Variants in BIRC6 observed in about 807,000 individuals in gnomAD.
BIRC6 encodes baculoviral IAP repeat containing 6, also known as dual E2 ubiquitin-conjugating enzyme/E3 ubiquitin-protein ligase BIRC6.
Under a neutral mutation model 503.3 loss-of-function variants are expected in BIRC6, and 98 were observed. The observed-to-expected ratio is 0.19, with a 90% CI of 0.17 to 0.23. The LOEUF is 0.23. Among genes scored for constraint, BIRC6 ranks in the 10% least tolerant of loss-of-function variants. The pLI, the probability that BIRC6 is intolerant of heterozygous loss-of-function variation, is 1.00. For synonymous variants in BIRC6, 2,240 were observed against 2,078.7 expected, an observed-to-expected ratio of 1.08 and a Z score of -2.11; for missense variants, 5,360 against 5,806.0, an observed-to-expected ratio of 0.92 and a Z score of 2.50.
chr2:32,481,808 A>G (rs1162075717), intron 38 of BIRC6, among the ~76,000 whole-genome samples: 3 of 152,106 alleles, frequency 2.0e-5, no homozygotes, highest in African/African-American at 7.2e-5. Context: ...GGAAGTTTTC[A>G]GTCTCATACT....
intron 45 of BIRC6, among the ~76,000 whole-genome samples, chr2:32,497,947 A>G (rs1050694096): frequency 1.3e-5 from 2 of 151,980 alleles, no homozygotes; most frequent in African/African-American, 2.4e-5. Context: ...TCATTTTGCT[A>G]TTTTTCTATT....
chr2:32,581,478 T>C (rs6736386), intron 66 of BIRC6, among the ~76,000 whole-genome samples: 6,571 of 152,264 alleles, frequency 0.043, 221 homozygotes, highest in African/African-American at 0.1. Flanking sequence ...CTTAAATTTT[T>C]CTTTGCCTTT....
At chr2:32,488,301 TA>T (rs753342591) in intron 41 of BIRC6, among the ~76,000 whole-genome samples, 401 of 141,678 alleles carry the variant, frequency 2.8e-3, no homozygotes, top group Middle Eastern at 7.2e-3. Context: ...TTGTCTCAAA[TA>T]AAAAAAAAAA....
At chr2:32,600,637 G>A (rs1004702161) in intron 70 of BIRC6, among the ~76,000 whole-genome samples, 2 of 152,286 alleles carry the variant, frequency 1.3e-5, no homozygotes, top group South Asian at 4.1e-4. Flanking sequence ...CTTGAATAGA[G>A]TGTAAGTGTA....
intron 66 of BIRC6, among the ~76,000 whole-genome samples, chr2:32,578,954 G>T (rs2060457579): frequency 1.9e-5 from 1 of 52,900 alleles, no homozygotes; most frequent in African/African-American, 9.1e-5. Context: ...AGAAATCGTA[G>T]TTTACTACTT....
intron 23 of BIRC6, among the ~76,000 whole-genome samples, chr2:32,456,298 T>C (rs1462026621): frequency 6.6e-6 from 1 of 152,224 alleles, no homozygotes; most frequent in Non-Finnish European, 1.5e-5. Flanking sequence ...TGCCTTCTTT[T>C]CAATCCTATG....
At chr2:32,478,891 G>C in intron 36 of BIRC6, 73 bp downstream of exon 36, 2 of 1,460,010 alleles carry the variant, frequency 1.4e-6, no homozygotes, top group Non-Finnish European at 1.9e-6. Context: ...TCTTCAAAGG[G>C]ATCTTTAACC....
At chr2:32,460,245 GATATATATATAT>G (rs1269564471) in intron 23 of BIRC6, among the ~76,000 whole-genome samples, 2 of 30,976 alleles carry the variant, frequency 6.5e-5, no homozygotes, top group East Asian at 1.1e-3. Flanking sequence ...TCTCGTATAT[GATATATATATAT>G]ATATATATAT....
intron 5 of BIRC6, among the ~76,000 whole-genome samples, chr2:32,394,567 C>G (rs1313073708): frequency 6.6e-6 from 1 of 152,068 alleles, no homozygotes; most frequent in African/African-American, 2.4e-5. Flanking sequence ...TGCAGTGGCT[C>G]ACACTTGTAA....
At chr2:32,538,380 T>G (rs1288784800) in intron 61 of BIRC6, among the ~76,000 whole-genome samples, 1 of 152,106 alleles carries the variant, frequency 6.6e-6, no homozygotes, top group Non-Finnish European at 1.5e-5. Context: ...ATTTACAGTT[T>G]TAGTCCTGCT....
At chr2:32,431,174 T>C (rs2147975926) in intron 12 of BIRC6, 84 bp downstream of exon 12, 2 of 458,026 alleles carry the variant, frequency 4.4e-6, no homozygotes, top group East Asian at 3.9e-5. Flanking sequence ...GGTATATTAC[T>C]GTTTATCTTT....
chr2:32,533,708 G>A (rs1279330982), intron 61 of BIRC6, among the ~76,000 whole-genome samples: 1 of 152,154 alleles, frequency 6.6e-6, no homozygotes, highest in Non-Finnish European at 1.5e-5. Flanking sequence ...AGGATATGAT[G>A]TGATGATGGA....
intron 66 of BIRC6, among the ~76,000 whole-genome samples, chr2:32,591,548 A>G (rs1364280994): frequency 1.3e-5 from 2 of 152,182 alleles, no homozygotes; most frequent in African/African-American, 4.8e-5. Flanking sequence ...AACTGGATTG[A>G]TGCAGTTCAT....
chr2:32,606,821 C>T (rs1411313590), intron 71 of BIRC6, among the ~76,000 whole-genome samples: 1 of 151,980 alleles, frequency 6.6e-6, no homozygotes, highest in Non-Finnish European at 1.5e-5. Flanking sequence ...GCCTGGCCAA[C>T]ATGATGAAAC....
chr2:32,501,785 G>C lies in BIRC6; in HGVS notation c.9104G>C (p.Gly3035Ala). 6.2e-7 allele frequency: 1 copy of C among 1,613,794 alleles called. No homozygotes were observed. The change falls in exon 47 of 74, where the codon GGA becomes GCA. Residue 3035 changes from glycine (G) to alanine (A), a missense_variant. Gly to Ala is a moderately conservative substitution (Grantham distance 60). Coordinates refer to ENST00000421745, the MANE Select transcript of BIRC6 (RefSeq NM_016252.4). ...TTGGATGCCATATCAGTTGGGGATG[G>C]ATTATTTACCATACTGACAACCCTT... ...GGLDAISVGD[G>A]LFTILTTLSK...
intron 10 of BIRC6, among the ~76,000 whole-genome samples, chr2:32,425,072 C>G (rs546341883): frequency 1.4e-5 from 2 of 147,528 alleles, no homozygotes; most frequent in South Asian, 4.3e-4. Context: ...GTAGAAATAT[C>G]TATTCATGTC....
intron 33 of BIRC6, 82 bp from the exon 34 acceptor site, chr2:32,476,131 A>G: frequency 5.9e-6 from 6 of 1,015,720 alleles, no homozygotes; most frequent in Non-Finnish European, 8.4e-6. Context: ...CATTAGTTTG[A>G]TGTATGAATT....
rs1485526369 is a variant in BIRC6 at position 32,448,399 on chromosome 2, G to A, written c.4485-396G>A. On this transcript the variant is annotated intron_variant, in intron 21 of 73. Coordinates refer to ENST00000421745, the MANE Select transcript of BIRC6 (RefSeq NM_016252.4). ...TGAACGAGACTCCGTCTGCAATCCC[G>A]GCACCTCGGGAGGCCGAGGCTGGCG... is the stretch of plus-strand genomic sequence containing the variant. Among the ~76,000 whole-genome samples the A allele has an allele frequency of 1.7e-4, 25 of 149,236 alleles. No homozygotes were observed. In the South Asian group the frequency reaches 5.4e-3, roughly 32 times the overall value.
intron 70 of BIRC6, 24 bp from the exon 71 acceptor site, chr2:32,602,982 G>C (rs1280168198): frequency 6.3e-7 from 1 of 1,583,312 alleles, no homozygotes; most frequent in Admixed American, 1.9e-5. Context: ...TTTCAATTCT[G>C]TTTATGCTTT....
Sources: gnomAD v4.1 joint callset for allele counts (sites outside exome capture counted in the v4.1 genomes callset) on GRCh38, gnomAD v4.1.1 for gene constraint, MANE v1.5 for transcripts, NCBI Gene and HGNC (gene_info 2026-07-23, HGNC 2026-07-21) for gene names.